The following ATP13A3 variants were observed in gnomAD, a reference collection of about 807,000 sequenced individuals.
The protein encoded by ATP13A3 is ATPase 13A3, also known as polyamine-transporting ATPase 13A3.
In ATP13A3, 59 loss-of-function variants were observed where a neutral mutation model predicts 158.1. The ratio of observed to expected loss-of-function variants is 0.37; its 90% confidence interval spans 0.30 to 0.46. ATP13A3 has a LOEUF of 0.46. Ranked by LOEUF, ATP13A3 falls within the 20% of genes least tolerant of loss-of-function variation. The pLI, the probability that ATP13A3 is intolerant of heterozygous loss-of-function variation, is 1.00. For missense variants in ATP13A3, 1,166 were observed against 1,525.2 expected, an observed-to-expected ratio of 0.76 and a Z score of 3.92; for synonymous variants, 491 against 504.3, an observed-to-expected ratio of 0.97 and a Z score of 0.35.
At chr3:194,473,719 G>T (rs1285280634) in intron 2 of ATP13A3, among the ~76,000 whole-genome samples, 1 of 152,038 alleles carries the variant, frequency 6.6e-6, no homozygotes, top group African/African-American at 2.4e-5. Flanking sequence ...TAGGTACATA[G>T]GAACAAAACA....
intron 2 of ATP13A3, among the ~76,000 whole-genome samples, chr3:194,485,329 T>C (rs923058815): frequency 1.3e-5 from 2 of 152,198 alleles, no homozygotes; most frequent in South Asian, 4.1e-4. Flanking sequence ...CCCACACACA[T>C]TGATTTTTGG....
chr3:194,487,083 G>A (rs1721036476), upstream of ATP13A3: 1 of 149,906 alleles, frequency 6.7e-6, no homozygotes, highest in Admixed American at 6.6e-5. Flanking sequence ...AGGAGGCGGG[G>A]AAGGGGCGGG....
Position 194,430,289 on chromosome 3 carries a change from C to G in ATP13A3, c.2651G>C (p.Gly884Ala). 1.2e-6 allele frequency: 2 copies of G among 1,613,782 alleles called. No individual in the cohort carries two copies. The highest frequency in any genetic ancestry group is 1.7e-6 in the Non-Finnish European group (2 of 1,179,808). The part of the protein sequence containing the change: ...VDYFVGMCGD[G>A]ANDCGALKRA... ...TATACTTACACCACAATCATTTGCGCCATCACCACACATCCCAACAAAATA... is the reference window on the plus strand; with the variant it reads ...TATACTTACACCACAATCATTTGCGGCATCACCACACATCCCAACAAAATA... The change falls in exon 25 of 34, where the codon GGC becomes GCC. Residue 884 changes from glycine (G) to alanine (A), a missense_variant. Coordinates refer to ENST00000645319, the MANE Select transcript of ATP13A3 (RefSeq NM_001367549.1).
chr3:194,455,774 TA>T, intron 8 of ATP13A3, 118 bp downstream of exon 8: 1 of 698,164 alleles, frequency 1.4e-6, no homozygotes, highest in Non-Finnish European at 2.4e-6. Context: ...ACCTTCCAAG[TA>T]AAAATATGAA....
intron 2 of ATP13A3, chr3:194,468,235 A>G (rs1367836896): frequency 6.6e-6 from 1 of 152,148 alleles, no homozygotes; most frequent in African/African-American, 2.4e-5. Flanking sequence ...TATTATTTGA[A>G]TAAATCCTAG....
chr3:194,414,215 C>A (rs984076672), intron 31 of ATP13A3, among the ~76,000 whole-genome samples: 2 of 152,086 alleles, frequency 1.3e-5, no homozygotes, highest in African/African-American at 4.8e-5. Context: ...GTGATCCCAA[C>A]ATCTTGGGAG....
chr3:194,470,587 A>T (rs1720256818), intron 2 of ATP13A3, among the ~76,000 whole-genome samples: 1 of 152,242 alleles, frequency 6.6e-6, no homozygotes, highest in African/African-American at 2.4e-5. Flanking sequence ...TTATAAAAAA[A>T]AATGTGCAAA....
At chr3:194,430,338 G>C in intron 24 of ATP13A3, 23 bp from the exon 25 acceptor site, 1 of 1,606,834 alleles carries the variant, frequency 6.2e-7, no homozygotes, top group South Asian at 1.1e-5. Flanking sequence ...ACAATGTTAA[G>C]ATTTTAATTA....
chr3:194,412,840 A>G (rs1407540067), intron 32 of ATP13A3: 1 of 153,276 alleles, frequency 6.5e-6, no homozygotes, highest in Non-Finnish European at 1.5e-5. Flanking sequence ...TCAGTACCAT[A>G]ATATCCATGC....
chr3:194,472,407 G>C (rs1344300083), intron 2 of ATP13A3, among the ~76,000 whole-genome samples: 1 of 152,128 alleles, frequency 6.6e-6, no homozygotes, highest in Non-Finnish European at 1.5e-5. Flanking sequence ...TCTACAATAA[G>C]TATCAACCAA....
chr3:194,492,797 G>A (rs1420166329), intron 2 of ATP13A3, among the ~76,000 whole-genome samples: 1 of 152,122 alleles, frequency 6.6e-6, no homozygotes, highest in Non-Finnish European at 1.5e-5. Flanking sequence ...ATAATACGAT[G>A]TAAATTCTAT....
intron 33 of ATP13A3, among the ~76,000 whole-genome samples, chr3:194,408,021 C>CTTT (rs778831468): frequency 7.2e-6 from 1 of 138,316 alleles, no homozygotes; most frequent in Non-Finnish European, 1.6e-5. Flanking sequence ...AAGCTGTCAC[C>CTTT]TTTTTTTTTT....
At chr3:194,441,645 G>C (rs145121861) in intron 15 of ATP13A3, among the ~76,000 whole-genome samples, 184 bp from the exon 16 acceptor site, 3 of 152,198 alleles carry the variant, frequency 2.0e-5, no homozygotes, top group Admixed American at 6.5e-5. Flanking sequence ...GTGTGAACTT[G>C]AGCTGATGCT....
At chr3:194,428,233 A>G (rs962489030) in intron 28 of ATP13A3, among the ~76,000 whole-genome samples, 3 of 151,378 alleles carry the variant, frequency 2.0e-5, no homozygotes, top group Non-Finnish European at 4.4e-5. Flanking sequence ...AAAAAAAAAA[A>G]AAAAGAAAAA....
At chr3:194,449,273 T>TA (rs1455682877) in intron 11 of ATP13A3, among the ~76,000 whole-genome samples, 1 of 152,114 alleles carries the variant, frequency 6.6e-6, no homozygotes, top group Non-Finnish European at 1.5e-5. Context: ...AGATACGAGA[T>TA]ATGTGTTTGT....
At position 194,403,740 on chromosome 3, in the gene ATP13A3, C is replaced by T. The variant is rs2108680540; in HGVS notation, c.*2179G>A. The stretch of plus-strand genomic sequence containing the variant: ...TATCTATGGCACTGAGTAGAACCCA[C>T]ACCTGGCTTCACAGGCATTCTTCAA... On this transcript the variant is annotated 3_prime_UTR_variant, in exon 34 of 34. Coordinates refer to ENST00000645319, the MANE Select transcript of ATP13A3 (RefSeq NM_001367549.1). 1 of 198,972 alleles carries T rather than the reference C, an allele frequency of 5.0e-6. No individual in the cohort carries two copies. Among genetic ancestry groups the T allele is most frequent in the Admixed American group, 5.9e-5 (1 of 17,038 alleles). 12.3% of individuals were successfully genotyped at this position (198,972 alleles called of 1,614,324 possible). A position where few individuals can be genotyped will look rare whatever the true frequency, so the allele number is the denominator to read the frequency against.
In ATP13A3 at chr3:194,448,359, T is replaced by A. The variant is rs1718551771; in HGVS notation, c.1150+98A>T. On this transcript the variant is annotated intron_variant, in intron 12 of 33. Transcript: ENST00000645319. This position sits in a 1 kb window ranked among gnomAD's most constrained non-coding sequence, Gnocchi z 4.0. The stretch of plus-strand genomic sequence containing the variant: ...TCCCAAAGTGCTGGGATTACAGGCG[T>A]TAGCCACAGCACCCAGCCCAGAATC... 4 of 1,418,902 alleles carry A rather than the reference T, an allele frequency of 2.8e-6. No individual in the cohort carries two copies. The South Asian group carries it at 3.7e-5, about 13-fold the overall frequency. The allele number at this position is 1,418,902 out of a possible 1,614,324, so 87.9% of individuals were successfully genotyped here. A position where few individuals can be genotyped will look rare whatever the true frequency, so the allele number is the denominator to read the frequency against.
intron 10 of ATP13A3, 31 bp downstream of exon 10, chr3:194,453,675 T>C: frequency 6.4e-7 from 1 of 1,561,280 alleles, no homozygotes; most frequent in East Asian, 2.2e-5. Context: ...GTATCTTTTT[T>C]GATTTATTCT....
At chr3:194,415,063 G>A (rs900367910) in intron 31 of ATP13A3, among the ~76,000 whole-genome samples, 1 of 152,244 alleles carries the variant, frequency 6.6e-6, no homozygotes, top group Admixed American at 6.5e-5. Context: ...TGGGCAGAGG[G>A]AGTGGAGCCA....
Sources: gnomAD v4.1 joint callset for allele counts (sites outside exome capture counted in the v4.1 genomes callset) on GRCh38, gnomAD v4.1.1 for gene constraint, Gnocchi (gnomAD v3.1) non-coding constraint, MANE v1.5 for transcripts, NCBI Gene and HGNC (gene_info 2026-07-23, HGNC 2026-07-21) for gene names.